Variants in NUP153 observed in about 807,000 individuals in gnomAD.
NUP153 encodes the protein nucleoporin 153.
Under a neutral mutation model 134.6 loss-of-function variants are expected in NUP153, and 27 were observed. The ratio of observed to expected loss-of-function variants is 0.20; its 90% CI spans 0.15 to 0.28. The LOEUF (loss-of-function observed/expected upper bound fraction) is 0.28, where lower values mean the gene tolerates loss of function less well. Ranked by LOEUF, NUP153 falls within the 10% of genes least tolerant of loss-of-function variation. NUP153 has a pLI of 1.00. For synonymous variants in NUP153, 640 were observed against 623.5 expected (o/e 1.03, Z -0.40); for missense variants, 1,821 against 1,731.3 (o/e 1.05, Z -0.92).
intron 2 of NUP153, among the ~76,000 whole-genome samples, chr6:17,683,602 T>G (rs1768744091): frequency 6.6e-6 from 1 of 152,332 alleles, no homozygotes; most frequent in Admixed American, 6.5e-5. Context: ...ATCCAGGTTT[T>G]GTTGTTTCAA....
chr6:17,634,329 C>G (rs113067519), intron 16 of NUP153, among the ~76,000 whole-genome samples: 223 of 152,280 alleles, frequency 1.5e-3, no homozygotes, highest in Non-Finnish European at 2.7e-3. Context: ...TTCAGGCCAT[C>G]TTGAGTGAAC....
chr6:17,665,066 T>G (rs970727801), intron 9 of NUP153, among the ~76,000 whole-genome samples, 173 bp downstream of exon 9: 1 of 31,162 alleles, frequency 3.2e-5, no homozygotes, highest in African/African-American at 9.5e-5. Context: ...AAAAAAAAAA[T>G]TTGATCAAGG....
At chr6:17,702,317 C>T (rs1770167244) in intron 1 of NUP153, among the ~76,000 whole-genome samples, 1 of 152,102 alleles carries the variant, frequency 6.6e-6, no homozygotes, top group African/African-American at 2.4e-5. Context: ...AACATCCTGG[C>T]TAACACGGTG....
chr6:17,670,420 G>C (rs931226903), intron 5 of NUP153, among the ~76,000 whole-genome samples: 1 of 152,122 alleles, frequency 6.6e-6, no homozygotes, highest in Admixed American at 6.6e-5. Context: ...CTTATTAGTT[G>C]TGGTGGCTTT....
intron 20 of NUP153, among the ~76,000 whole-genome samples, chr6:17,618,569 T>C (rs1367035397): frequency 1.3e-5 from 2 of 151,068 alleles, no homozygotes; most frequent in South Asian, 2.1e-4. Context: ...TCTCTTTTTT[T>C]TTTTTTTTTT....
intron 11 of NUP153, among the ~76,000 whole-genome samples, chr6:17,657,237 C>T (rs894290032): frequency 3.3e-5 from 5 of 151,494 alleles, no homozygotes; most frequent in African/African-American, 7.3e-5. Context: ...CTTATTTGTC[C>T]GGTATACTAA....
intron 20 of NUP153, among the ~76,000 whole-genome samples, chr6:17,618,784 T>C (rs1027554282): frequency 6.6e-6 from 1 of 152,072 alleles, no homozygotes; most frequent in Non-Finnish European, 1.5e-5. Context: ...GCCAGGATGG[T>C]CTCGATATCC....
chr6:17,701,838 G>GGGGGA (rs1770114736), intron 1 of NUP153, among the ~76,000 whole-genome samples: 1 of 105,978 alleles, frequency 9.4e-6, no homozygotes, highest in Non-Finnish European at 2.1e-5. Context: ...GTCTCGGGGG[G>GGGGGA]GGGGGGAAAA....
intron 14 of NUP153, among the ~76,000 whole-genome samples, chr6:17,641,812 A>G (rs1416470057): frequency 2.0e-5 from 3 of 150,876 alleles, no homozygotes; most frequent in Non-Finnish European, 2.9e-5. Context: ...AGCTTGCACA[A>G]CTGCACTCCA....
At chr6:17,651,114 C>T (rs1766473015) in intron 11 of NUP153, among the ~76,000 whole-genome samples, 1 of 152,082 alleles carries the variant, frequency 6.6e-6, no homozygotes, top group Non-Finnish European at 1.5e-5. Flanking sequence ...GTCTGGGCAA[C>T]ACAGCAAGAC....
rs542270641 is a variant in NUP153, at chr6:17,680,244, C to T, written c.335-4474G>A. ...ACCAAAGAGCCTGTGGTCTGTAATACTGTAATAAAGACAGGCAATACAGAC... is the reference window on the plus strand; with the variant it reads ...ACCAAAGAGCCTGTGGTCTGTAATATTGTAATAAAGACAGGCAATACAGAC... On this transcript the variant is annotated intron_variant, in intron 2 of 21. Coordinates refer to ENST00000262077, the MANE Select transcript of NUP153 (RefSeq NM_005124.4). The surrounding 1 kb of genome is among the most constrained non-coding windows in gnomAD (Gnocchi z 4.5). Among the ~76,000 whole-genome samples the T allele has an allele frequency of 6.6e-6, 1 of 152,206 alleles. No individual in the cohort carries two copies. The highest frequency in any genetic ancestry group is 1.5e-5 in the Non-Finnish European group (1 of 68,022).
intron 2 of NUP153, among the ~76,000 whole-genome samples, chr6:17,681,203 G>GA (rs1768558939): frequency 7.0e-6 from 1 of 142,818 alleles, no homozygotes. Flanking sequence ...TCTCAAATGT[G>GA]ACAGCTTTAA....
intron 9 of NUP153, among the ~76,000 whole-genome samples, chr6:17,664,616 T>G (rs948805838): frequency 6.6e-6 from 1 of 152,136 alleles, no homozygotes; most frequent in African/African-American, 2.4e-5. Flanking sequence ...TACTTAGGGT[T>G]CAAAAGATAA....
chr6:17,620,282 T>C (rs558909767), intron 20 of NUP153, among the ~76,000 whole-genome samples: 3 of 152,158 alleles, frequency 2.0e-5, no homozygotes, highest in South Asian at 4.2e-4. Flanking sequence ...TATATGAGAC[T>C]GGTATAAAAA....
At chr6:17,660,228 G>T (rs969763505) in intron 11 of NUP153, among the ~76,000 whole-genome samples, 3 of 152,114 alleles carry the variant, frequency 2.0e-5, no homozygotes, top group African/African-American at 4.8e-5. Context: ...TTTTGTTTCT[G>T]TCAATATAAA....
At chr6:17,679,351 A>G (rs910184517) in intron 2 of NUP153, among the ~76,000 whole-genome samples, 1 of 152,226 alleles carries the variant, frequency 6.6e-6, no homozygotes, top group Non-Finnish European at 1.5e-5. Context: ...TGGAAACTAC[A>G]AAACAGTACC....
chr6:17,674,826 GCA>G, intron 5 of NUP153, 77 bp downstream of exon 5: 2 of 1,113,342 alleles, frequency 1.8e-6, no homozygotes, highest in Admixed American at 2.7e-5. Flanking sequence ...ATTTTTTTGA[GCA>G]CAAAGTAATT....
At chr6:17,622,335 T>C (rs1764686111) in intron 20 of NUP153, among the ~76,000 whole-genome samples, 1 of 152,088 alleles carries the variant, frequency 6.6e-6, no homozygotes, top group African/African-American at 2.4e-5. Context: ...AGTGGTGGTG[T>C]CTGCCTGTAG....
chr6:17,630,705 G>C (rs1236819007), intron 17 of NUP153, among the ~76,000 whole-genome samples: 2 of 142,710 alleles, frequency 1.4e-5, no homozygotes, highest in Non-Finnish European at 3.1e-5. Flanking sequence ...GAGGAGACGG[G>C]AGACGAGAGG....
Sources: gnomAD v4.1 joint callset for allele counts (sites outside exome capture counted in the v4.1 genomes callset) on GRCh38, gnomAD v4.1.1 for gene constraint, Gnocchi (gnomAD v3.1) non-coding constraint, MANE v1.5 for transcripts, NCBI Gene and HGNC (gene_info 2026-07-23, HGNC 2026-07-21) for gene names.